CATSPERB: variants seen among roughly 807,000 people sequenced by gnomAD.
CATSPERB encodes cation channel sperm-associated auxiliary subunit beta.
CATSPERB carries 93 observed loss-of-function variants against 128.3 expected under a neutral mutation model. The observed-to-expected ratio is 0.72, with a 90% CI of 0.61 to 0.86. CATSPERB has a LOEUF of 0.86. CATSPERB is among the 40% of genes least tolerant of loss of function. The probability of loss-of-function intolerance (pLI) is 0.00; values close to 1 mark genes in which losing one functional copy is unlikely to be tolerated. For synonymous variants in CATSPERB, 381 were observed against 448.8 expected, an observed-to-expected ratio of 0.85 and a Z score of 1.91; for missense variants, 1,153 against 1,329.5, an observed-to-expected ratio of 0.87 and a Z score of 2.06.
chr14:91,723,107 G>A lies in CATSPERB; in HGVS notation c.251C>T (p.Pro84Leu). The change falls in exon 4 of 27, where the codon CCC becomes CTC. Residue 84 changes from proline to leucine, a missense_variant. Physicochemically the swap from Pro to Leu is moderately conservative, Grantham distance 98. Coordinates refer to ENST00000256343, the MANE Select transcript of CATSPERB (RefSeq NM_024764.4). ...TGTACTATTCATGATTCCCAAGCTG[G>A]GAGCAAGTCCTCCTGATGTGAACAC... Reference protein sequence around the residue: ...LSVFTSGGLAPSLGIMNSTYN... With the variant: ...LSVFTSGGLALSLGIMNSTYN... 1 of 1,553,028 alleles carries A rather than the reference G, an allele frequency of 6.4e-7. No individual in the cohort carries two copies. The highest frequency in any genetic ancestry group is 8.7e-7 in the Non-Finnish European group (1 of 1,149,552).
Position 91,591,967 on chromosome 14 carries a change from G to A in CATSPERB, c.2745C>T (p.Ser915=). 6.2e-7 allele frequency: 1 copy of A among 1,613,868 alleles called. No homozygotes were observed. The highest frequency in any genetic ancestry group is 1.1e-5 in the South Asian group (1 of 91,056). Reference sequence around the variant, plus strand: ...TTGTGCAGTTACACTCCTCCCGAGTGGAAACATTAGCACACTGTTTGAATT... The same window carrying A: ...TTGTGCAGTTACACTCCTCCCGAGTAGAAACATTAGCACACTGTTTGAATT... ...TGKFKQCANV[S]TREECNCTKD... is the part of the protein sequence containing the mutation. The change falls in exon 23 of 27, where the codon TCC becomes TCT. Residue 915 remains serine, a synonymous_variant. Transcript: ENST00000256343.
At position 91,628,262 on chromosome 14, in the gene CATSPERB, G is replaced by T. The variant is rs1462149743; in HGVS notation, c.1743-3255C>A. ...GCTGCACCTACAGGCACACACCACT[G>T]CATGGTTCTGGGTTGGCATAATCTG... On this transcript the variant is annotated intron_variant, in intron 17 of 26. Transcript: ENST00000256343. Among the ~76,000 whole-genome samples, 17 of 152,078 alleles carry T rather than the reference G, an allele frequency of 1.1e-4. No homozygotes were observed. The East Asian group carries it at 3.1e-3, about 28-fold the overall frequency.
intron 5 of CATSPERB, chr14:91,709,206 T>C (rs549220107): frequency 6.6e-5 from 10 of 152,298 alleles, no homozygotes; most frequent in African/African-American, 2.2e-4. Context: ...AAGAAGTTCC[T>C]GGACTTTGGG....
chr14:91,669,634 G>A (rs1003196512), intron 14 of CATSPERB, among the ~76,000 whole-genome samples, 180 bp downstream of exon 14: 1 of 152,170 alleles, frequency 6.6e-6, no homozygotes, highest in African/African-American at 2.4e-5. Context: ...CTACCTGAAA[G>A]GTAAAAACTG....
intron 14 of CATSPERB, among the ~76,000 whole-genome samples, 187 bp downstream of exon 14, chr14:91,669,626 AC>A (rs904869970): frequency 6.6e-6 from 1 of 152,262 alleles, no homozygotes; most frequent in Admixed American, 6.5e-5. Context: ...CCAATGAACT[AC>A]CTGAAAGGTA....
chr14:91,600,951 A>G (rs1180039798), intron 22 of CATSPERB, among the ~76,000 whole-genome samples: 1 of 152,228 alleles, frequency 6.6e-6, no homozygotes, highest in South Asian at 2.1e-4. Flanking sequence ...CAGATTTATG[A>G]TAAGTCAGTA....
In CATSPERB at chr14:91,672,970, G is replaced by A. The variant is rs929816078; in HGVS notation, c.1025C>T (p.Pro342Leu). 1.3e-6 allele frequency: 2 copies of A among 1,590,588 alleles called. No individual in the cohort carries two copies. The highest frequency in any genetic ancestry group is 1.7e-6 in the Non-Finnish European group (2 of 1,174,692). ...TCCTTTAAAAATGTGAGGTAAGCAG[G>A]GTACCCATTCAAGAAATGGTTCCTG... The part of the protein sequence containing the change: ...YSQEPFLEWV[P>L]CLPHIFKGIK... The change falls in exon 13 of 27, where the codon CCC (proline) becomes CTC (leucine). Residue 342 changes from proline (P) to leucine (L), a missense_variant. Physicochemically the swap from Pro to Leu is moderately conservative, Grantham distance 98. Transcript: ENST00000256343.
chr14:91,708,364 A>C (rs1895772499), intron 5 of CATSPERB, 128 bp from the exon 6 acceptor site: 1 of 617,334 alleles, frequency 1.6e-6, no homozygotes, highest in Non-Finnish European at 2.8e-6. Context: ...TGGTATTTAT[A>C]TGTGAAATTT....
intron 22 of CATSPERB, among the ~76,000 whole-genome samples, chr14:91,600,082 T>C (rs763446900): frequency 4.6e-5 from 7 of 152,238 alleles, no homozygotes; most frequent in Non-Finnish European, 5.9e-5. Context: ...AATGCTGCTA[T>C]GAAGTTTTTG....
chr14:91,688,185 T>A (rs1282010452), intron 10 of CATSPERB, among the ~76,000 whole-genome samples: 1 of 152,328 alleles, frequency 6.6e-6, no homozygotes, highest in African/African-American at 2.4e-5. Context: ...TAAACTTTTT[T>A]AATCTGAAAG....
chr14:91,599,545 C>A (rs377397450), intron 22 of CATSPERB, among the ~76,000 whole-genome samples: 655 of 113,788 alleles, frequency 5.8e-3, no homozygotes, highest in Middle Eastern at 7.9e-3. Flanking sequence ...GGCGGCAGAG[C>A]AAAAAAAAAA....
intron 5 of CATSPERB, among the ~76,000 whole-genome samples, chr14:91,711,291 C>T (rs1287501970): frequency 1.3e-5 from 2 of 152,130 alleles, no homozygotes; most frequent in Non-Finnish European, 2.9e-5. Context: ...AGTGCAGTGG[C>T]GCCATCTCAG....
intron 22 of CATSPERB, chr14:91,605,345 A>G (rs1893680736): frequency 1.5e-6 from 1 of 683,334 alleles, no homozygotes; most frequent in African/African-American, 1.8e-5. Flanking sequence ...GAGGAGGAAA[A>G]AATTTAAGAG....
rs746766008 is a variant in CATSPERB at position 91,580,865 on chromosome 14, A to C, written c.*24T>G. The C allele has an allele frequency of 6.4e-7, 1 of 1,574,486 alleles. No individual in the cohort carries two copies. The highest frequency in any genetic ancestry group is 1.1e-5 in the South Asian group (1 of 88,530). On this transcript the variant is annotated 3_prime_UTR_variant, in exon 27 of 27. Coordinates refer to ENST00000256343, the MANE Select transcript of CATSPERB (RefSeq NM_024764.4). ...ATTGGCTGATAAAACTAGAAAATAA[A>C]GAGAAATTATGATCACCATGTGTTC...
At chr14:91,681,292 G>T (rs1441158293) in intron 11 of CATSPERB, among the ~76,000 whole-genome samples, 1 of 152,134 alleles carries the variant, frequency 6.6e-6, no homozygotes, top group Non-Finnish European at 1.5e-5. Context: ...ATTCAAAAAA[G>T]ACTGTGATGG....
chr14:91,674,171 C>A lies in CATSPERB; in HGVS notation c.978+5G>T. The A allele has an allele frequency of 6.8e-7, 1 of 1,477,310 alleles. No homozygotes were observed. The allele number at this position is 1,477,310 out of a possible 1,614,324, so 91.5% of individuals were successfully genotyped here. A position where few individuals can be genotyped will look rare whatever the true frequency, so the allele number is the denominator to read the frequency against. The stretch of plus-strand genomic sequence containing the variant: ...TCTTAACTTATAAAATATTCAATAT[C>A]ATACCTCACTTAGGGTTCTGTTTCT... On this transcript the variant is annotated splice_donor_5th_base_variant and intron_variant, in intron 12 of 26. Coordinates refer to ENST00000256343, the MANE Select transcript of CATSPERB (RefSeq NM_024764.4).
chr14:91,685,545 C>T (rs918126675), intron 10 of CATSPERB, among the ~76,000 whole-genome samples: 22 of 152,138 alleles, frequency 1.4e-4, no homozygotes, highest in Admixed American at 2.6e-4. Context: ...AGATCTTGAC[C>T]GGAACCTAAA....
rs534670990 is a variant in CATSPERB, at chr14:91,658,155, G to T, written c.1432+1682C>A. 3.3e-5 allele frequency among the ~76,000 whole-genome samples: 5 copies of T among 152,206 alleles called. No individual in the cohort carries two copies. In the South Asian group the frequency reaches 8.3e-4, roughly 25 times the overall value. On this transcript the variant is annotated intron_variant, in intron 15 of 26. Coordinates refer to ENST00000256343, the MANE Select transcript of CATSPERB (RefSeq NM_024764.4). ...CCTAAGTGTCCATCAACAGATGAAT[G>T]AATAAAGAAAATATGGTACATATAC...
At chr14:91,709,434 A>T (rs1419918729) in intron 5 of CATSPERB, 3 of 150,508 alleles carry the variant, frequency 2.0e-5, no homozygotes, top group Non-Finnish European at 4.4e-5. Context: ...TAATCCCAGC[A>T]CTTTGGGAGG....
Sources: allele counts gnomAD v4.1 joint callset (sites outside exome capture counted in the v4.1 genomes callset), GRCh38; gene constraint gnomAD v4.1.1; transcripts MANE v1.5; gene names NCBI Gene and HGNC (gene_info 2026-07-23, HGNC 2026-07-21).